AXDND1: variants seen among roughly 807,000 people sequenced by gnomAD.
The protein encoded by AXDND1 is axonemal dynein light chain domain-containing protein 1.
In AXDND1, 110 loss-of-function variants were observed where a neutral mutation model predicts 137.5. The ratio of observed to expected loss-of-function variants is 0.80; its 90% CI spans 0.69 to 0.94. The LOEUF (loss-of-function observed/expected upper bound fraction) is 0.94, where lower values mean the gene tolerates loss of function less well. Ranked by LOEUF, AXDND1 falls within the 40% of genes least tolerant of loss-of-function variation. The probability of loss-of-function intolerance (pLI) is 0.00; values close to 1 mark genes in which losing one functional copy is unlikely to be tolerated. For synonymous variants in AXDND1, 414 were observed against 399.7 expected (o/e 1.04, Z -0.43); for missense variants, 1,191 against 1,169.8 (o/e 1.02, Z -0.26).
At position 179,510,849 on chromosome 1, in the gene AXDND1, G is replaced by A. The variant is rs182761066; in HGVS notation, c.2496+1446G>A. Among the ~76,000 whole-genome samples the A allele has an allele frequency of 2.6e-3, 388 of 152,102 alleles. 1 individual carries two copies. The highest frequency in any genetic ancestry group is 4.4e-3 in the Non-Finnish European group (297 of 67,982). ...TGAGATTTTGGTGCACCCATCACTC[G>A]AGTAGTATACACTGCACCCTATTTG... On this transcript the variant is annotated intron_variant, in intron 21 of 25. Transcript: ENST00000367618.
chr1:179,522,951 A>G (rs527424545), intron 21 of AXDND1, among the ~76,000 whole-genome samples: 18 of 151,112 alleles, frequency 1.2e-4, no homozygotes, highest in African/African-American at 3.9e-4. Context: ...GCATTTTCCT[A>G]TTGTGGGCAT....
chr1:179,477,680 C>T (rs1266852792), intron 17 of AXDND1, among the ~76,000 whole-genome samples: 1 of 152,126 alleles, frequency 6.6e-6, no homozygotes, highest in Non-Finnish European at 1.5e-5. Flanking sequence ...TATCATTTTG[C>T]CCCTGGCCCC....
Position 179,382,764 on chromosome 1 carries a change from C to T in AXDND1, c.638+8C>T, listed in dbSNP as rs1432801530. The T allele has an allele frequency of 6.3e-7, 1 of 1,580,612 alleles. No individual in the cohort carries two copies. The highest frequency in any genetic ancestry group is 2.2e-5 in the East Asian group (1 of 44,552). On this transcript the variant is annotated splice_region_variant and intron_variant, in intron 7 of 25. Transcript: ENST00000367618. ...ATTGCTCTTCCCATCCATGTAAGTA[C>T]AGTTTATTTTCTAAAGTCTTTCTCA...
chr1:179,383,160 A>G lies in AXDND1; in HGVS notation c.639-282A>G, dbSNP rs115066876. 3.4e-3 allele frequency among the ~76,000 whole-genome samples: 512 copies of G among 150,864 alleles called. 4 individuals are homozygous for G. The highest frequency in any genetic ancestry group is 0.012 in the African/African-American group (485 of 41,094). ...ATCTCCCTACATTTTTTCTTTTTCTATGTTCTTACACTGCTATATGATAGG... is the reference window on the plus strand; with the variant it reads ...ATCTCCCTACATTTTTTCTTTTTCTGTGTTCTTACACTGCTATATGATAGG... On this transcript the variant is annotated intron_variant, in intron 7 of 25. Coordinates refer to ENST00000367618, the MANE Select transcript of AXDND1 (RefSeq NM_144696.6).
chr1:179,432,385 T>G (rs1049736702), intron 15 of AXDND1, 43 bp downstream of exon 15: 1 of 1,510,624 alleles, frequency 6.6e-7, no homozygotes, highest in Non-Finnish European at 8.9e-7. Flanking sequence ...AAGTGCTGAT[T>G]GTAAACTTGG....
intron 25 of AXDND1, chr1:179,544,278 C>T (rs1672437196): frequency 6.6e-6 from 1 of 152,170 alleles, no homozygotes; most frequent in Non-Finnish European, 1.5e-5. Context: ...TAACAGAGGT[C>T]TGTGAAATGT....
intron 25 of AXDND1, among the ~76,000 whole-genome samples, chr1:179,548,366 A>G (rs1672840085): frequency 6.6e-6 from 1 of 152,228 alleles, no homozygotes; most frequent in East Asian, 1.9e-4. Flanking sequence ...ATCCCCATTT[A>G]TACACAGGAT....
At chr1:179,546,134 G>A (rs1672619761) in intron 25 of AXDND1, 1 of 152,124 alleles carries the variant, frequency 6.6e-6, no homozygotes, top group Admixed American at 6.6e-5. Flanking sequence ...AAGCTACCCT[G>A]TGGTCACAAA....
intron 16 of AXDND1, chr1:179,456,257 A>G: frequency 1.4e-6 from 1 of 737,500 alleles, no homozygotes; most frequent in South Asian, 1.3e-5. Flanking sequence ...TACTGCTGCT[A>G]CTGGAACCTC....
intron 16 of AXDND1, among the ~76,000 whole-genome samples, chr1:179,459,621 T>C (rs1661926938): frequency 6.6e-6 from 1 of 151,932 alleles, no homozygotes; most frequent in Admixed American, 6.6e-5. Flanking sequence ...TCTTTGGTAT[T>C]TTCTATAGTG....
intron 25 of AXDND1, among the ~76,000 whole-genome samples, chr1:179,553,405 G>C (rs1489278327): frequency 6.6e-6 from 1 of 152,220 alleles, no homozygotes. Context: ...GCCTCACAAT[G>C]AAATATTATT....
intron 25 of AXDND1, among the ~76,000 whole-genome samples, chr1:179,538,036 A>G (rs1671730572): frequency 6.6e-6 from 1 of 152,106 alleles, no homozygotes; most frequent in Non-Finnish European, 1.5e-5. Context: ...ATCAGCGGTG[A>G]TATCCCCTTT....
intron 25 of AXDND1, among the ~76,000 whole-genome samples, chr1:179,549,239 C>A (rs1333965716): frequency 1.3e-5 from 2 of 152,186 alleles, no homozygotes; most frequent in Non-Finnish European, 2.9e-5. Flanking sequence ...GGTCAGCTCA[C>A]CTAGCCAGTT....
intron 6 of AXDND1, among the ~76,000 whole-genome samples, chr1:179,380,252 A>G (rs1275223164): frequency 6.6e-6 from 1 of 152,142 alleles, no homozygotes; most frequent in Non-Finnish European, 1.5e-5. Context: ...CCGTCTCAAA[A>G]AAAAAATACA....
At chr1:179,384,032 G>A (rs1558100074) in intron 8 of AXDND1, among the ~76,000 whole-genome samples, 1 of 151,866 alleles carries the variant, frequency 6.6e-6, no homozygotes, top group Non-Finnish European at 1.5e-5. Context: ...GCCACCACTT[G>A]TAATTTTTAT....
At chr1:179,531,538 A>G (rs182049416) in intron 23 of AXDND1, among the ~76,000 whole-genome samples, 1 of 152,254 alleles carries the variant, frequency 6.6e-6, no homozygotes, top group East Asian at 1.9e-4. Context: ...TAATTTTGCA[A>G]AAGTGGCTTC....
chr1:179,376,275 C>T (rs1026453721), intron 4 of AXDND1, among the ~76,000 whole-genome samples: 3 of 152,114 alleles, frequency 2.0e-5, no homozygotes, highest in African/African-American at 7.2e-5. Flanking sequence ...TTCCCAGACA[C>T]CTGCAGATAC....
chr1:179,378,802 T>G (rs1647729544), intron 5 of AXDND1, 45 bp downstream of exon 5: 1 of 1,381,044 alleles, frequency 7.2e-7, no homozygotes, highest in African/African-American at 1.5e-5. Flanking sequence ...CTCTGTCTAC[T>G]TTTAAAAATC....
chr1:179,493,065 A>C, intron 20 of AXDND1, 114 bp downstream of exon 20: 1 of 715,690 alleles, frequency 1.4e-6, no homozygotes, highest in Non-Finnish European at 2.2e-6. Context: ...CAATCTTATA[A>C]GTTCTAAAAT....
Sources: gnomAD v4.1 joint callset for allele counts (sites outside exome capture counted in the v4.1 genomes callset) on GRCh38, gnomAD v4.1.1 for gene constraint, MANE v1.5 for transcripts, NCBI Gene and HGNC (gene_info 2026-07-23, HGNC 2026-07-21) for gene names.